LRRC7: variants seen among roughly 807,000 people sequenced by gnomAD.
The protein encoded by LRRC7 is leucine rich repeat containing 7.
A neutral mutation model predicts 175.7 loss-of-function variants in LRRC7; 23 were observed. That is an observed-to-expected ratio of 0.13 (90% confidence interval 0.09 to 0.19). LRRC7 has a LOEUF of 0.19. Ranked by LOEUF, LRRC7 falls within the 10% of genes least tolerant of loss-of-function variation. The probability of loss-of-function intolerance (pLI) is 1.00; values close to 1 mark genes in which losing one functional copy is unlikely to be tolerated. For missense variants in LRRC7, 1,354 were observed against 1,904.7 expected (o/e 0.71, Z 5.38); for synonymous variants, 685 against 680.9 (o/e 1.01, Z -0.09).
chr1:70,074,531 A>T (rs537818790), intron 23 of LRRC7, among the ~76,000 whole-genome samples: 10 of 152,298 alleles, frequency 6.6e-5, no homozygotes, highest in Admixed American at 5.2e-4. Context: ...TAATCACTGG[A>T]TATGCGTTGG....
At chr1:69,716,771 T>A (rs912088545) in intron 2 of LRRC7, among the ~76,000 whole-genome samples, 1 of 151,820 alleles carries the variant, frequency 6.6e-6, no homozygotes, top group African/African-American at 2.4e-5. Context: ...GGAGGTTCAA[T>A]GATGAAAGCA....
At chr1:70,098,568 C>T (rs1029071434) in intron 25 of LRRC7, among the ~76,000 whole-genome samples, 16 of 151,228 alleles carry the variant, frequency 1.1e-4, no homozygotes, top group Admixed American at 2.6e-4. Context: ...ATTGATAGAC[C>T]GCTAGCAAGA....
chr1:69,711,030 G>C (rs564935905), intron 2 of LRRC7, among the ~76,000 whole-genome samples: 1 of 152,300 alleles, frequency 6.6e-6, no homozygotes, highest in East Asian at 1.9e-4. Context: ...CCAGTGTTGA[G>C]TGTATGGCCT....
At chr1:69,690,262 G>A (rs1471009098) in intron 2 of LRRC7, among the ~76,000 whole-genome samples, 1 of 152,098 alleles carries the variant, frequency 6.6e-6, no homozygotes, top group Non-Finnish European at 1.5e-5. Context: ...CTCCCACTGG[G>A]CTTTTTAAAA....
At chr1:69,893,475 A>C (rs1645894280) in intron 7 of LRRC7, among the ~76,000 whole-genome samples, 1 of 152,216 alleles carries the variant, frequency 6.6e-6, no homozygotes, top group African/African-American at 2.4e-5. Flanking sequence ...ATAATACACT[A>C]ATTTTTGTTT....
intron 2 of LRRC7, among the ~76,000 whole-genome samples, chr1:69,735,292 G>A (rs989373908): frequency 5.3e-5 from 8 of 151,916 alleles, no homozygotes; most frequent in African/African-American, 1.4e-4. Flanking sequence ...CAGTGTTCAC[G>A]CTACAGTAGT....
chr1:69,842,078 T>C (rs1330270940), intron 7 of LRRC7, among the ~76,000 whole-genome samples: 4 of 152,098 alleles, frequency 2.6e-5, no homozygotes, highest in African/African-American at 9.7e-5. Flanking sequence ...AATTAATATT[T>C]ATAACAACTA....
At chr1:69,759,895 A>G (rs1670850712) in intron 2 of LRRC7, among the ~76,000 whole-genome samples, 1 of 152,030 alleles carries the variant, frequency 6.6e-6, no homozygotes, top group South Asian at 2.1e-4. Flanking sequence ...GTAGCATTGA[A>G]CTGAGACAGG....
At chr1:69,705,385 C>T (rs1386198720) in intron 2 of LRRC7, among the ~76,000 whole-genome samples, 3 of 152,084 alleles carry the variant, frequency 2.0e-5, no homozygotes, top group Non-Finnish European at 4.4e-5. Context: ...AAGTGAGTTG[C>T]ATTGTCTAGC....
intron 2 of LRRC7, among the ~76,000 whole-genome samples, chr1:69,738,205 AC>A (rs1668328996): frequency 6.6e-6 from 1 of 152,002 alleles, no homozygotes; most frequent in Non-Finnish European, 1.5e-5. Flanking sequence ...TGCATTGATT[AC>A]TTCACTCAGC....
Position 69,610,607 on chromosome 1 carries a change from G to A in LRRC7, c.2+41966G>A, listed in dbSNP as rs148254474. Among the ~76,000 whole-genome samples the A allele has an allele frequency of 4.4e-3, 661 of 151,894 alleles. 3 individuals are homozygous for A. Among genetic ancestry groups the A allele is most frequent in the Admixed American group, 7.6e-3 (115 of 15,198 alleles). On this transcript the variant is annotated intron_variant, in intron 1 of 26. Transcript: ENST00000651989. ...TTTGTTCATTATAATGTTTGCTGTT[G>A]TGGAAAAATAAATATTTTTGTTGTA... is the stretch of plus-strand genomic sequence containing the variant.
chr1:69,596,427 C>T (rs1646847732), intron 1 of LRRC7, among the ~76,000 whole-genome samples: 2 of 152,122 alleles, frequency 1.3e-5, no homozygotes, highest in Non-Finnish European at 1.5e-5. Flanking sequence ...TCTGATAATA[C>T]TTATTTCTTC....
rs981770595 is a variant in LRRC7 at position 70,136,492 on chromosome 1, A to C, written c.*14605A>C. On this transcript the variant is annotated 3_prime_UTR_variant, in exon 27 of 27. Coordinates refer to ENST00000651989, the MANE Select transcript of LRRC7 (RefSeq NM_001370785.2). Reference sequence around the variant, plus strand: ...CATTCAATTTAATCAACAAATGTTAATGAACAAGGGGTTATGTTCAAAATT... The same window carrying C: ...CATTCAATTTAATCAACAAATGTTACTGAACAAGGGGTTATGTTCAAAATT... Among the ~76,000 whole-genome samples the C allele has an allele frequency of 6.6e-6, 1 of 152,130 alleles. No homozygotes were observed. Among genetic ancestry groups the C allele is most frequent in the Non-Finnish European group, 1.5e-5 (1 of 68,026 alleles).
At chr1:70,077,661 A>G (rs1248008026) in intron 24 of LRRC7, among the ~76,000 whole-genome samples, 2 of 152,176 alleles carry the variant, frequency 1.3e-5, no homozygotes, top group African/African-American at 2.4e-5. Context: ...TAGTGTTAGC[A>G]TGCAATTATT....
rs116808490 is a variant in LRRC7, at chr1:69,673,512, T to C, written c.3-4869T>C. Among the ~76,000 whole-genome samples, 1,404 of 152,264 alleles carry C rather than the reference T, an allele frequency of 9.2e-3. 23 individuals are homozygous for C. Among genetic ancestry groups the C allele is most frequent in the African/African-American group, 0.032 (1,348 of 41,538 alleles). ...ACTGGTGGCTTGCCAAGCTTGAGAG[T>C]AGCTAGAACAGCTCCTTTGCAGTGA... On this transcript the variant is annotated intron_variant, in intron 1 of 26. Transcript: ENST00000651989.
At chr1:69,996,276 G>T (rs1223491812) in intron 11 of LRRC7, among the ~76,000 whole-genome samples, 2 of 151,896 alleles carry the variant, frequency 1.3e-5, no homozygotes, top group Non-Finnish European at 2.9e-5. Flanking sequence ...TAAATTCGTT[G>T]GAGTTCATTG....
At chr1:69,741,481 A>G (rs1668705748) in intron 2 of LRRC7, among the ~76,000 whole-genome samples, 1 of 152,028 alleles carries the variant, frequency 6.6e-6, no homozygotes, top group Non-Finnish European at 1.5e-5. Flanking sequence ...CATGGACAAA[A>G]GAGAGATAAT....
chr1:69,593,254 C>A (rs78144550), intron 1 of LRRC7, among the ~76,000 whole-genome samples: 11,080 of 152,010 alleles, frequency 0.073, 643 homozygotes, highest in African/African-American at 0.16. Context: ...ATTAAAAAGT[C>A]ATAAGCAAAT....
At chr1:70,049,250 G>A (rs1009127) in intron 22 of LRRC7, among the ~76,000 whole-genome samples, 2 of 152,190 alleles carry the variant, frequency 1.3e-5, no homozygotes, top group Admixed American at 1.3e-4. Context: ...CATCCTACCA[G>A]ATTTTGAGTT....
Sources: allele counts gnomAD v4.1 joint callset (sites outside exome capture counted in the v4.1 genomes callset), GRCh38; gene constraint gnomAD v4.1.1; transcripts MANE v1.5; gene names NCBI Gene and HGNC (gene_info 2026-07-23, HGNC 2026-07-21).